The following FHIT variants were observed in gnomAD, a reference collection of about 807,000 sequenced individuals.
FHIT encodes fragile histidine triad diadenosine triphosphatase, also known as bis(5'-adenosyl)-triphosphatase.
A neutral mutation model predicts 17.9 loss-of-function variants in FHIT; 19 were observed. The observed-to-expected ratio is 1.06, with a 90% CI of 0.74 to 1.56. The LOEUF is 1.56. Among genes scored for constraint, FHIT ranks in the 40% most tolerant of loss-of-function variants. The pLI is 0.00. For missense variants in FHIT, 248 were observed against 189.2 expected, an observed-to-expected ratio of 1.31 and a Z score of -1.82; for synonymous variants, 81 against 69.7, an observed-to-expected ratio of 1.16 and a Z score of -0.81.
intron 4 of FHIT, among the ~76,000 whole-genome samples, chr3:60,687,536 GT>G (rs1280609550): frequency 2.6e-5 from 4 of 152,038 alleles, no homozygotes; most frequent in Admixed American, 6.6e-5. Flanking sequence ...CATGGAGGCT[GT>G]TAACACTTTA....
In FHIT at chr3:60,718,611, C is replaced by T. The variant is rs572263336; in HGVS notation, c.-18+103308G>A. ...ATCTGCCAGTCACTCATGAAAAGAA[C>T]ACAGCCCCAGGCAACTGATATTGAT... is the stretch of plus-strand genomic sequence containing the variant. On this transcript the variant is annotated intron_variant, in intron 4 of 9. Transcript: ENST00000492590. Among the ~76,000 whole-genome samples the T allele has an allele frequency of 7.2e-5, 11 of 152,272 alleles. No homozygotes were observed. The South Asian group carries it at 2.3e-3, about 32-fold the overall frequency.
At chr3:60,600,349 T>C (rs979052980) in intron 4 of FHIT, among the ~76,000 whole-genome samples, 12 of 41,228 alleles carry the variant, frequency 2.9e-4, no homozygotes, top group South Asian at 7.8e-4. Context: ...GCAAAAATAA[T>C]TGTTTTCATT....
intron 2 of FHIT, among the ~76,000 whole-genome samples, chr3:61,164,508 G>T (rs2037780913): frequency 6.6e-6 from 1 of 152,168 alleles, no homozygotes; most frequent in East Asian, 1.9e-4. Context: ...GGAATCACCA[G>T]ACTCCACTGT....
intron 8 of FHIT, among the ~76,000 whole-genome samples, chr3:59,828,845 C>CTGTGTGTG (rs1246352377): frequency 6.7e-6 from 1 of 150,182 alleles, no homozygotes; most frequent in African/African-American, 2.5e-5. Flanking sequence ...ATGGTACTCT[C>CTGTGTGTG]TCTGTGTGTG....
intron 3 of FHIT, among the ~76,000 whole-genome samples, chr3:61,024,544 T>C (rs951623392): frequency 3.3e-5 from 5 of 152,136 alleles, no homozygotes; most frequent in South Asian, 2.1e-4. Context: ...TATATAATTA[T>C]AGGTTTATTG....
intron 5 of FHIT, among the ~76,000 whole-genome samples, chr3:60,034,460 C>T (rs1027798955): frequency 6.6e-6 from 1 of 152,230 alleles, no homozygotes; most frequent in African/African-American, 2.4e-5. Flanking sequence ...ATTTAAACTA[C>T]TCCATTTACC....
At chr3:60,406,825 T>C (rs1375156788) in intron 5 of FHIT, among the ~76,000 whole-genome samples, 1 of 152,128 alleles carries the variant, frequency 6.6e-6, no homozygotes, top group Non-Finnish European at 1.5e-5. Flanking sequence ...TAGCCAAAAT[T>C]GGGCACATTT....
At chr3:60,782,147 A>G (rs934655799) in intron 4 of FHIT, among the ~76,000 whole-genome samples, 2 of 151,940 alleles carry the variant, frequency 1.3e-5, no homozygotes, top group South Asian at 2.1e-4. Context: ...ACTTAGCATA[A>G]TGTCTGCTTG....
At position 59,954,150 on chromosome 3, in the gene FHIT, C is replaced by T. The variant is rs3772459; in HGVS notation, c.280-31736G>A. ...AGAAGGCCAGAAACCTTCATGGGCACTTGCACTATTGTTTACAGCCACAAT... is the reference window on the plus strand; with the variant it reads ...AGAAGGCCAGAAACCTTCATGGGCATTTGCACTATTGTTTACAGCCACAAT... On this transcript the variant is annotated intron_variant, in intron 7 of 9. Coordinates refer to ENST00000492590, the MANE Select transcript of FHIT (RefSeq NM_002012.4). 3.2e-4 allele frequency among the ~76,000 whole-genome samples: 48 copies of T among 151,474 alleles called. 1 individual carries two copies. The East Asian group carries it at 9.1e-3, about 29-fold the overall frequency.
chr3:60,967,973 C>A (rs1709830152), intron 3 of FHIT, among the ~76,000 whole-genome samples: 1 of 152,104 alleles, frequency 6.6e-6, no homozygotes, highest in Non-Finnish European at 1.5e-5. Context: ...TGCCAATATG[C>A]ATGTGGAATT....
intron 5 of FHIT, among the ~76,000 whole-genome samples, chr3:60,422,262 T>C (rs1413274382): frequency 6.6e-6 from 1 of 152,076 alleles, no homozygotes; most frequent in Non-Finnish European, 1.5e-5. Context: ...CACAGAAGTG[T>C]GACACATAAG....
At chr3:60,614,673 C>T (rs1429527976) in intron 4 of FHIT, among the ~76,000 whole-genome samples, 1 of 152,030 alleles carries the variant, frequency 6.6e-6, no homozygotes, top group African/African-American at 2.4e-5. Context: ...TCTATTTGGA[C>T]ATTACAGTGG....
intron 2 of FHIT, among the ~76,000 whole-genome samples, chr3:61,159,595 C>T (rs971420007): frequency 1.3e-5 from 2 of 152,186 alleles, no homozygotes; most frequent in East Asian, 3.8e-4. Flanking sequence ...GGATGGATTT[C>T]AAGGGGATGA....
At chr3:60,538,168 A>T (rs147241265) in intron 4 of FHIT, among the ~76,000 whole-genome samples, 4 of 152,332 alleles carry the variant, frequency 2.6e-5, no homozygotes, top group Non-Finnish European at 5.9e-5. Flanking sequence ...GAGCAAACTC[A>T]TGAGTGAACT....
intron 3 of FHIT, among the ~76,000 whole-genome samples, chr3:60,943,213 T>C (rs1665766327): frequency 6.6e-6 from 1 of 152,146 alleles, no homozygotes; most frequent in African/African-American, 2.4e-5. Flanking sequence ...GTTAAAACTC[T>C]CAGATTATGA....
rs184458059 is a variant in FHIT at position 59,827,811 on chromosome 3, A to G, written c.349-75490T>C. Among the ~76,000 whole-genome samples, 265 of 152,360 alleles carry G rather than the reference A, an allele frequency of 1.7e-3. 1 individual carries two copies. The highest frequency in any genetic ancestry group is 6.0e-3 in the African/African-American group (248 of 41,584). On this transcript the variant is annotated intron_variant, in intron 8 of 9. Coordinates refer to ENST00000492590, the MANE Select transcript of FHIT (RefSeq NM_002012.4). ...TGTAGGCACAAACACAAGAAGATCTACAGATAATGTATATTTTTTAACTTC... is the reference window on the plus strand; with the variant it reads ...TGTAGGCACAAACACAAGAAGATCTGCAGATAATGTATATTTTTTAACTTC...
chr3:60,903,106 A>C (rs531103324), intron 3 of FHIT, among the ~76,000 whole-genome samples: 1 of 152,322 alleles, frequency 6.6e-6, no homozygotes, highest in South Asian at 2.1e-4. Context: ...AAAAAAACTA[A>C]GTTGGTTCAA....
intron 5 of FHIT, among the ~76,000 whole-genome samples, chr3:60,155,845 C>A (rs565428233): frequency 6.6e-6 from 1 of 152,128 alleles, no homozygotes; most frequent in Non-Finnish European, 1.5e-5. Flanking sequence ...CCACCTCAAC[C>A]GTCACCCAAG....
At chr3:60,010,637 T>G (rs1403448438) in intron 7 of FHIT, among the ~76,000 whole-genome samples, 2 of 152,178 alleles carry the variant, frequency 1.3e-5, no homozygotes, top group African/African-American at 2.4e-5. Flanking sequence ...TTCTATGACT[T>G]AGGTGCAGAA....
Sources: allele counts gnomAD v4.1 joint callset (sites outside exome capture counted in the v4.1 genomes callset), GRCh38; gene constraint gnomAD v4.1.1; transcripts MANE v1.5; gene names NCBI Gene and HGNC (gene_info 2026-07-23, HGNC 2026-07-21).